The following MTRF1 variants were observed in gnomAD, a reference collection of about 807,000 sequenced individuals.
The protein encoded by MTRF1 is peptide chain release factor 1, mitochondrial.
A neutral mutation model predicts 62.9 loss-of-function variants in MTRF1; 51 were observed. That is an observed-to-expected ratio of 0.81 (90% CI 0.65 to 1.02). The LOEUF (loss-of-function observed/expected upper bound fraction) is 1.02. MTRF1 is among the 50% of genes least tolerant of loss of function. The pLI, the probability that MTRF1 is intolerant of heterozygous loss-of-function variation, is 0.00. For synonymous variants in MTRF1, 158 were observed against 181.9 expected, an observed-to-expected ratio of 0.87 and a Z score of 1.06; for missense variants, 446 against 530.0, an observed-to-expected ratio of 0.84 and a Z score of 1.56.
chr13:41,233,117 A>C (rs1566088885), intron 7 of MTRF1, among the ~76,000 whole-genome samples: 8 of 152,206 alleles, frequency 5.3e-5, no homozygotes. Flanking sequence ...GTAAATATAT[A>C]ATCTTTATAG....
Position 41,244,599 on chromosome 13 carries a change from GGTGAT to G in MTRF1, c.698-4171_698-4167del, listed in dbSNP as rs2037992626. Among the ~76,000 whole-genome samples, 6 of 152,186 alleles carry G rather than the reference GGTGAT, an allele frequency of 3.9e-5. No individual in the cohort carries two copies. In the South Asian group the frequency reaches 1.2e-3, roughly 32 times the overall value. On this transcript the variant is annotated intron_variant, in intron 5 of 9. Transcript: ENST00000379480. ...GATCAATAGCATATGGTATGACAGA[GGTGAT>G]ACTATGTCACCTTCCGAGGTTAGAT...
intron 9 of MTRF1, among the ~76,000 whole-genome samples, chr13:41,218,564 T>G (rs1419560568): frequency 5.9e-5 from 9 of 152,216 alleles, no homozygotes. Context: ...CGTCTACAGT[T>G]CTCTGAAAAA....
the MTRF1 span, among the ~76,000 whole-genome samples, chr13:41,273,563 T>C: frequency 6.6e-6 from 1 of 152,006 alleles, no homozygotes. Flanking sequence ...AATCAACTTA[T>C]GTAAGATGAG....
At chr13:41,279,163 T>C in the MTRF1 span, among the ~76,000 whole-genome samples, 1 of 152,072 alleles carries the variant, frequency 6.6e-6, no homozygotes, top group Admixed American at 6.6e-5. Flanking sequence ...TAATTTTTTG[T>C]ATTTTTAGTA....
chr13:41,292,117 AAAG>A, the MTRF1 span, among the ~76,000 whole-genome samples: 2 of 152,220 alleles, frequency 1.3e-5, no homozygotes, highest in South Asian at 2.1e-4. Context: ...CAAAAAGCTG[AAAG>A]AAGAGAGAGA....
At chr13:41,296,332 C>G in the MTRF1 span, among the ~76,000 whole-genome samples, 1 of 152,306 alleles carries the variant, frequency 6.6e-6, no homozygotes, top group East Asian at 1.9e-4. Flanking sequence ...CCTCAGCCTC[C>G]CAAAGCACTG....
chr13:41,295,316 C>T, the MTRF1 span, among the ~76,000 whole-genome samples: 1 of 152,078 alleles, frequency 6.6e-6, no homozygotes, highest in Non-Finnish European at 1.5e-5. Flanking sequence ...TCAGTATAAC[C>T]AGGAAACATC....
At chr13:41,293,054 A>G in the MTRF1 span, among the ~76,000 whole-genome samples, 2 of 152,252 alleles carry the variant, frequency 1.3e-5, no homozygotes, top group African/African-American at 4.8e-5. Context: ...ATTCCAATTT[A>G]GTCAGAAATA....
chr13:41,257,876 A>G (rs1443345480), intron 2 of MTRF1: 2 of 351,218 alleles, frequency 5.7e-6, no homozygotes, highest in Non-Finnish European at 1.2e-5. Flanking sequence ...AAATGAGATA[A>G]TATTTGTAAA....
the MTRF1 span, among the ~76,000 whole-genome samples, chr13:41,286,858 G>A: frequency 6.6e-6 from 1 of 152,164 alleles, no homozygotes; most frequent in African/African-American, 2.4e-5. Flanking sequence ...TATACAGTAC[G>A]ATGTTATGTA....
At chr13:41,299,609 C>T in the MTRF1 span, among the ~76,000 whole-genome samples, 1 of 152,094 alleles carries the variant, frequency 6.6e-6, no homozygotes. Context: ...AGTAAGATTG[C>T]CCATAATTAA....
At chr13:41,297,701 G>A in the MTRF1 span, among the ~76,000 whole-genome samples, 1 of 151,730 alleles carries the variant, frequency 6.6e-6, no homozygotes, top group African/African-American at 2.4e-5. Flanking sequence ...TCAGCGTCCC[G>A]AGTGGCTGGG....
At chr13:41,312,008 TTTAG>T in the MTRF1 span, among the ~76,000 whole-genome samples, 4 of 152,034 alleles carry the variant, frequency 2.6e-5, no homozygotes, top group Non-Finnish European at 5.9e-5. Context: ...CTGCTTTGCG[TTTAG>T]TTAGATTGCA....
In MTRF1 at chr13:41,217,156, TG is replaced by T; in HGVS notation, c.1296del (p.Ile433LeufsTer16). On this transcript the variant is annotated frameshift_variant, in exon 10 of 10. Transcript: ENST00000379480. LOFTEE classifies it high-confidence loss of function. ...QRLLQSADEE[A>X]IAELLDEHLK... ...AGGTGTTCATCCAAAAGTTCAGCAA[TG>T]GCTTCTTCATCTGCTGATTGAAGCA... 1.2e-6 allele frequency: 2 copies of T among 1,608,780 alleles called. No individual in the cohort carries two copies. The highest frequency in any genetic ancestry group is 1.7e-6 in the Non-Finnish European group (2 of 1,176,906).
chr13:41,238,549 A>G (rs1006874989), intron 6 of MTRF1, among the ~76,000 whole-genome samples: 2 of 152,166 alleles, frequency 1.3e-5, no homozygotes, highest in African/African-American at 2.4e-5. Context: ...ATGTGGAAGG[A>G]ATGGCGGAAT....
chr13:41,301,605 G>A, the MTRF1 span, among the ~76,000 whole-genome samples: 5 of 152,016 alleles, frequency 3.3e-5, no homozygotes, highest in East Asian at 1.9e-4. Flanking sequence ...AGAATTAGCC[G>A]GATGTGGTGG....
chr13:41,228,628 G>A (rs1221174550), intron 7 of MTRF1, among the ~76,000 whole-genome samples: 1 of 100,320 alleles, frequency 1.0e-5, no homozygotes, highest in Non-Finnish European at 2.3e-5. Flanking sequence ...TCACCAACTG[G>A]TAATAAACTA....
In MTRF1 at chr13:41,222,999, T is replaced by TATAC. The variant is rs2033709593; in HGVS notation, c.1224+253_1224+256dup. Among the ~76,000 whole-genome samples, 5 of 152,332 alleles carry TATAC rather than the reference T, an allele frequency of 3.3e-5. No homozygotes were observed. The South Asian group carries it at 1.0e-3, about 32-fold the overall frequency. On this transcript the variant is annotated intron_variant, in intron 9 of 9. Transcript: ENST00000379480. Reference sequence around the variant, plus strand: ...TACCCATGTATATATGCAGACTGAATATACGTTCATGCATTGTGATTGCAT... The same window carrying TATAC: ...TACCCATGTATATATGCAGACTGAATATACATACGTTCATGCATTGTGATTGCAT...
chr13:41,235,858 AAC>A (rs1491026194), intron 6 of MTRF1: 6 of 144,190 alleles, frequency 4.2e-5, no homozygotes, highest in South Asian at 4.3e-4. Flanking sequence ...CACACACAGA[AAC>A]ACACACACAC....
Sources: gnomAD v4.1 joint callset for allele counts (sites outside exome capture counted in the v4.1 genomes callset) on GRCh38, gnomAD v4.1.1 for gene constraint, MANE v1.5 for transcripts, NCBI Gene and HGNC (gene_info 2026-07-23, HGNC 2026-07-21) for gene names.